Variants in C1QL2 observed in about 807,000 individuals in gnomAD.
C1QL2 encodes complement C1q like 2, also known as complement C1q-like protein 2.
C1QL2 carries 13 observed loss-of-function variants against 16.6 expected under a neutral mutation model. The ratio of observed to expected loss-of-function variants is 0.78; its 90% CI spans 0.51 to 1.25. The LOEUF (loss-of-function observed/expected upper bound fraction) is 1.25. C1QL2 is among the 50% of genes most tolerant of loss of function. The pLI is 0.00. For missense variants in C1QL2, 396 were observed against 409.6 expected, an observed-to-expected ratio of 0.97 and a Z score of 0.29; for synonymous variants, 210 against 183.2, an observed-to-expected ratio of 1.15 and a Z score of -1.18.
rs577270022 is a variant in C1QL2, at chr2:119,158,536, G to A, written c.-267C>T. ...CCCACCGCGCTGGGGCTGGTCGGGA[G>A]AGCCGCGGACGCCCGCGCGCATGAC... is the stretch of plus-strand genomic sequence containing the variant. On this transcript the variant is annotated 5_prime_UTR_variant, in exon 1 of 2. Coordinates refer to ENST00000272520, the MANE Select transcript of C1QL2 (RefSeq NM_182528.4). 2.8e-5 allele frequency: 7 copies of A among 247,936 alleles called. No homozygotes were observed. In the South Asian group the frequency reaches 1.0e-3, roughly 37 times the overall value. The allele number at this position is 247,936 out of a possible 1,614,324, so 15.4% of individuals were successfully genotyped here.
At chr2:119,157,454 T>C (rs1474308659) in intron 1 of C1QL2, 132 bp downstream of exon 1, 2 of 1,120,280 alleles carry the variant, frequency 1.8e-6, no homozygotes, top group South Asian at 1.5e-5. Flanking sequence ...GGAGATACTG[T>C]GGCACCGAGG....
rs962261647 is a variant in C1QL2 at position 119,158,388 on chromosome 2, C to T, written c.-119G>A. 12 of 868,966 alleles carry T rather than the reference C, an allele frequency of 1.4e-5. No homozygotes were observed. Among genetic ancestry groups the T allele is most frequent in the African/African-American group, 1.8e-5 (1 of 56,430 alleles). 53.8% of individuals were successfully genotyped at this position (868,966 alleles called of 1,614,324 possible). ...GGAGGTAATGGTGGGGCGGCGCGGG[C>T]GGCCCCGCTCCCCGCGCTCGGGGAC... On this transcript the variant is annotated 5_prime_UTR_variant, in exon 1 of 2. Transcript: ENST00000272520.
In C1QL2 at chr2:119,158,649, T is replaced by A. The variant is rs1558718681; in HGVS notation, c.-380A>T. 2.6e-5 allele frequency: 4 copies of A among 155,178 alleles called. No individual in the cohort carries two copies. The highest frequency in any genetic ancestry group is 7.2e-5 in the African/African-American group (3 of 41,562). 9.6% of individuals were successfully genotyped at this position (155,178 alleles called of 1,614,324 possible). On this transcript the variant is annotated 5_prime_UTR_variant, in exon 1 of 2. Coordinates refer to ENST00000272520, the MANE Select transcript of C1QL2 (RefSeq NM_182528.4). ...CTGGCCGGGGAGTCTGCTTGCGGCG[T>A]CCGGCGCTGGCTCCGCGGCGCTGCC...
chr2:119,158,403 C>T lies in C1QL2; in HGVS notation c.-134G>A, dbSNP rs960618920. 16 of 699,196 alleles carry T rather than the reference C, an allele frequency of 2.3e-5. No homozygotes were observed. The highest frequency in any genetic ancestry group is 2.1e-4 in the African/African-American group (11 of 53,162). The allele number at this position is 699,196 out of a possible 1,614,324, so 43.3% of individuals were successfully genotyped here. A position where few individuals can be genotyped will look rare whatever the true frequency, so the allele number is the denominator to read the frequency against. On this transcript the variant is annotated 5_prime_UTR_variant, in exon 1 of 2. Coordinates refer to ENST00000272520, the MANE Select transcript of C1QL2 (RefSeq NM_182528.4). ...GCGGCGCGGGCGGCCCCGCTCCCCG[C>T]GCTCGGGGACCGGCTCCGCGGGTCC...
intron 1 of C1QL2, among the ~76,000 whole-genome samples, 162 bp downstream of exon 1, chr2:119,157,424 G>A (rs988587901): frequency 1.3e-5 from 2 of 152,108 alleles, no homozygotes; most frequent in African/African-American, 4.8e-5. Context: ...GGTGAGCGCG[G>A]CCTCGGCGCA....
In C1QL2 at chr2:119,157,818, C is replaced by T; in HGVS notation, c.452G>A (p.Ser151Asn). 1 of 1,595,562 alleles carries T rather than the reference C, an allele frequency of 6.3e-7. No homozygotes were observed. Among genetic ancestry groups the T allele is most frequent in the Non-Finnish European group, 8.5e-7 (1 of 1,170,886 alleles). ...DSEGEVTSAL[S>N]ATFSGPKIAF... ...GATCTTGGGGCCGCTGAAGGTGGCG[C>T]TCAGCGCACTGGTCACTTCACCCTC... The change falls in exon 1 of 2, where the codon AGC (serine) becomes AAC (asparagine). Residue 151 changes from serine to asparagine, a missense_variant. Coordinates refer to ENST00000272520, the MANE Select transcript of C1QL2 (RefSeq NM_182528.4).
intron 1 of C1QL2, 102 bp downstream of exon 1, chr2:119,157,484 C>G: frequency 7.1e-7 from 1 of 1,399,866 alleles, no homozygotes; most frequent in Non-Finnish European, 9.8e-7. Flanking sequence ...TCCCGGGGCT[C>G]GCAGGGTAGC....
At chr2:119,157,148 C>T (rs1026703634) in intron 1 of C1QL2, among the ~76,000 whole-genome samples, 167 bp from the exon 2 acceptor site, 1 of 152,200 alleles carries the variant, frequency 6.6e-6, no homozygotes, top group African/African-American at 2.4e-5. Context: ...CTTCCAGGTC[C>T]CCCCTCCTCC....
rs1336475824 is a variant in C1QL2, at chr2:119,156,781, C to G, written c.*21G>C. 1.2e-6 allele frequency: 2 copies of G among 1,606,128 alleles called. No homozygotes were observed. Among genetic ancestry groups the G allele is most frequent in the East Asian group, 4.5e-5 (2 of 44,712 alleles). On this transcript the variant is annotated 3_prime_UTR_variant, in exon 2 of 2. Coordinates refer to ENST00000272520, the MANE Select transcript of C1QL2 (RefSeq NM_182528.4). ...GAGACCGGGCGGCCTGCAGCCACCC[C>G]GCCTCGCACCCCCCGCGCCCCTAAT... is the stretch of plus-strand genomic sequence containing the variant.
In C1QL2 at chr2:119,157,832, C is replaced by A. The variant is rs375216486; in HGVS notation, c.438G>T (p.Val146=). The change falls in exon 1 of 2, where the codon GTG becomes GTT. Residue 146 remains valine, a synonymous_variant. Coordinates refer to ENST00000272520, the MANE Select transcript of C1QL2 (RefSeq NM_182528.4). ...AGVGGDSEGE[V]TSALSATFSG... ...TGAAGGTGGCGCTCAGCGCACTGGT[C>A]ACTTCACCCTCGGAATCGCCACCTA... is the stretch of plus-strand genomic sequence containing the variant. 2.7e-5 allele frequency: 43 copies of A among 1,591,406 alleles called. No homozygotes were observed. Among genetic ancestry groups the A allele is most frequent in the Non-Finnish European group, 3.5e-5 (41 of 1,168,906 alleles).
At position 119,156,662 on chromosome 2, in the gene C1QL2, G is replaced by T. The variant is rs986686623; in HGVS notation, c.*140C>A. ...CAGACGCACTGAGGCCAGGAGCGGGGCAGGGAGGACGCAGGGATTTGTCTT... is the reference window on the plus strand; with the variant it reads ...CAGACGCACTGAGGCCAGGAGCGGGTCAGGGAGGACGCAGGGATTTGTCTT... On this transcript the variant is annotated 3_prime_UTR_variant, in exon 2 of 2. Transcript: ENST00000272520. The T allele has an allele frequency of 8.9e-6, 9 of 1,008,050 alleles. No individual in the cohort carries two copies. In the African/African-American group the frequency reaches 1.1e-4, roughly 13 times the overall value. 62.4% of individuals were successfully genotyped at this position (1,008,050 alleles called of 1,614,324 possible).
chr2:119,157,319 A>G (rs1409835225), intron 1 of C1QL2, among the ~76,000 whole-genome samples: 1 of 152,204 alleles, frequency 6.6e-6, no homozygotes, highest in Non-Finnish European at 1.5e-5. Flanking sequence ...CGAGAAGCCC[A>G]CGGAGAGGCA....
At chr2:119,157,565 G>A (rs1677983144) in intron 1 of C1QL2, 21 bp downstream of exon 1, 2 of 1,612,606 alleles carry the variant, frequency 1.2e-6, no homozygotes, top group Non-Finnish European at 1.7e-6. Context: ...ACGGGGGCCG[G>A]TGAGTGTAGG....
Position 119,158,027 on chromosome 2 carries a change from C to T in C1QL2, c.243G>A (p.Pro81=), listed in dbSNP as rs756552955. ...PPFIQGPKGD[P]GRPGKPGPRG... ...GCGGCCCTGGCTTGCCCGGTCGCCC[C>T]GGGTCGCCCTTGGGTCCCTGGATGA... The change falls in exon 1 of 2, where the codon CCG becomes CCA. Residue 81 remains proline, a synonymous_variant. Transcript: ENST00000272520. 48 of 1,527,934 alleles carry T rather than the reference C, an allele frequency of 3.1e-5. No individual in the cohort carries two copies. In the South Asian group the frequency reaches 5.2e-4, roughly 17 times the overall value. 94.6% of individuals were successfully genotyped at this position (1,527,934 alleles called of 1,614,324 possible). A position where few individuals can be genotyped will look rare whatever the true frequency, so the allele number is the denominator to read the frequency against.
intron 1 of C1QL2, 125 bp from the exon 2 acceptor site, chr2:119,157,106 G>T: frequency 1.8e-6 from 2 of 1,102,384 alleles, no homozygotes; most frequent in Non-Finnish European, 2.6e-6. Context: ...TCCCACCCCA[G>T]CTCCATGTTC....
In C1QL2 at chr2:119,158,336, C is replaced by G. The variant is rs1678002411; in HGVS notation, c.-67G>C. ...GCCGCTGCCACAGCCGGGAGGCGAC[C>G]GCCACCAGCTCCTCCTTGCCGCCCG... On this transcript the variant is annotated 5_prime_UTR_variant, in exon 1 of 2. Transcript: ENST00000272520. 6 of 1,272,320 alleles carry G rather than the reference C, an allele frequency of 4.7e-6. No individual in the cohort carries two copies. Among genetic ancestry groups the G allele is most frequent in the Non-Finnish European group, 6.0e-6 (6 of 1,002,420 alleles). 78.8% of individuals were successfully genotyped at this position (1,272,320 alleles called of 1,614,324 possible).
chr2:119,157,817 G>C lies in C1QL2; in HGVS notation c.453C>G (p.Ser151Arg). The change falls in exon 1 of 2, where the codon AGC (serine) becomes AGG (arginine). Residue 151 changes from serine to arginine, a missense_variant. Ser to Arg is a moderately radical substitution (Grantham distance 110). This residue lies in a region of C1QL2 where 353 missense variants were observed against 334.8 expected (regional missense o/e 1.05). Transcript: ENST00000272520. ...CGATCTTGGGGCCGCTGAAGGTGGC[G>C]CTCAGCGCACTGGTCACTTCACCCT... ...DSEGEVTSAL[S>R]ATFSGPKIAF... is the part of the protein sequence containing the mutation. The C allele has an allele frequency of 6.3e-7, 1 of 1,595,882 alleles. No homozygotes were observed. The highest frequency in any genetic ancestry group is 8.5e-7 in the Non-Finnish European group (1 of 1,171,082).
In C1QL2 at chr2:119,157,579, C is replaced by T. The variant is rs1677983378; in HGVS notation, c.684+7G>A. ...TACGGGGGCCGGTGAGTGTAGGGGTCACTGACCTGCCCGTTCTTGCAGAGG... is the reference window on the plus strand; with the variant it reads ...TACGGGGGCCGGTGAGTGTAGGGGTTACTGACCTGCCCGTTCTTGCAGAGG... On this transcript the variant is annotated splice_region_variant and intron_variant, in intron 1 of 1. Transcript: ENST00000272520. The T allele has an allele frequency of 1.2e-6, 2 of 1,613,620 alleles. No homozygotes were observed. Among genetic ancestry groups the T allele is most frequent in the Non-Finnish European group, 1.7e-6 (2 of 1,179,930 alleles).
In C1QL2 at chr2:119,157,665, A is replaced by G. The variant is rs1241751795; in HGVS notation, c.605T>C (p.Ile202Thr). The change falls in exon 1 of 2, where the codon ATC becomes ACC. Residue 202 changes from isoleucine (I) to threonine (T), a missense_variant. Ile to Thr is a moderately conservative substitution (Grantham distance 89). Transcript: ENST00000272520. Reference sequence around the variant, plus strand: ...GAGGATGTGGTAGGTGAAGAAGTAGATGCCGCGTACCTGGCAGCTGAACTT... The same window carrying G: ...GAGGATGTGGTAGGTGAAGAAGTAGGTGCCGCGTACCTGGCAGCTGAACTT... ...TGKFSCQVRG[I>T]YFFTYHILMR... 1.2e-6 allele frequency: 2 copies of G among 1,613,952 alleles called. No homozygotes were observed. The highest frequency in any genetic ancestry group is 1.7e-6 in the Non-Finnish European group (2 of 1,179,996).
Sources: gnomAD v4.1 joint callset for allele counts (sites outside exome capture counted in the v4.1 genomes callset) on GRCh38, gnomAD v4.1.1 for gene constraint, gnomAD v4.1.1 regional missense constraint, MANE v1.5 for transcripts, NCBI Gene and HGNC (gene_info 2026-07-23, HGNC 2026-07-21) for gene names.